Variants in SBNO1 observed in about 807,000 individuals in gnomAD.
SBNO1 encodes strawberry notch homolog 1, also known as protein strawberry notch homolog 1.
In SBNO1, 23 loss-of-function variants were observed where a neutral mutation model predicts 173.6. The ratio of observed to expected loss-of-function variants is 0.13; its 90% CI spans 0.10 to 0.19. The LOEUF is 0.19. Ranked by LOEUF, SBNO1 falls within the 10% of genes least tolerant of loss-of-function variation. The pLI, the probability that SBNO1 is intolerant of heterozygous loss-of-function variation, is 1.00. For synonymous variants in SBNO1, 632 were observed against 571.5 expected (o/e 1.11, Z -1.51); for missense variants, 1,238 against 1,671.2 (o/e 0.74, Z 4.52).
intron 1 of SBNO1, among the ~76,000 whole-genome samples, chr12:123,354,509 G>C (rs984107960): frequency 6.6e-6 from 1 of 152,112 alleles, no homozygotes; most frequent in Non-Finnish European, 1.5e-5. Context: ...AGGGGACAGA[G>C]AGAGAACATC....
chr12:123,360,246 CAAA>C (rs56346382), intron 1 of SBNO1, among the ~76,000 whole-genome samples: 3 of 140,704 alleles, frequency 2.1e-5, no homozygotes, highest in Non-Finnish European at 3.1e-5. Context: ...AACACCATCT[CAAA>C]AAAAAAAAAA....
intron 3 of SBNO1, among the ~76,000 whole-genome samples, 195 bp from the exon 4 acceptor site, chr12:123,345,765 G>C (rs369167589): frequency 1.1e-4 from 17 of 152,110 alleles, no homozygotes; most frequent in South Asian, 4.2e-4. Context: ...GCCCAACTGG[G>C]CTCAAGTGAT....
intron 7 of SBNO1, among the ~76,000 whole-genome samples, chr12:123,332,940 C>T (rs896641634): frequency 6.6e-6 from 1 of 151,940 alleles, no homozygotes; most frequent in Non-Finnish European, 1.5e-5. Flanking sequence ...CTGGCTAACA[C>T]GGTAAAACCC....
intron 28 of SBNO1, among the ~76,000 whole-genome samples, chr12:123,306,585 G>A (rs2048919837): frequency 6.6e-6 from 1 of 152,080 alleles, no homozygotes; most frequent in Non-Finnish European, 1.5e-5. Context: ...AGGTGCAGTG[G>A]TGCATGCCTG....
chr12:123,350,682 C>T (rs1423642820), intron 1 of SBNO1, among the ~76,000 whole-genome samples: 2 of 152,132 alleles, frequency 1.3e-5, no homozygotes, highest in Non-Finnish European at 1.5e-5. Flanking sequence ...CTACAAAAGG[C>T]TACGGGAACA....
Position 123,320,495 on chromosome 12 carries a change from G to T in SBNO1, c.2604C>A (p.Asp868Glu). The change falls in exon 19 of 32, where the codon GAC (aspartate) becomes GAA (glutamate). Residue 868 changes from aspartate to glutamate, a missense_variant. Around this residue, in one of 14 missense-constraint regions of SBNO1, gnomAD observed 74 missense variants for 68.5 expected, o/e 1.08. Transcript: ENST00000602398. Reference sequence around the variant, plus strand: ...GTTCATCCAGGGTATTAGGGGGGAGGTCTTCAGCTAATTTTTCTAGCTTAT... The same window carrying T: ...GTTCATCCAGGGTATTAGGGGGGAGTTCTTCAGCTAATTTTTCTAGCTTAT... ...LLDKLEKLAEDLPPNTLDELI... is the reference protein window; with the variant it reads ...LLDKLEKLAEELPPNTLDELI... 6.2e-7 allele frequency: 1 copy of T among 1,614,036 alleles called. No homozygotes were observed. Among genetic ancestry groups the T allele is most frequent in the Non-Finnish European group, 8.5e-7 (1 of 1,180,002 alleles).
chr12:123,323,904 ATTGAAATATACTTTG>A lies in SBNO1; in HGVS notation c.1974-88_1974-74del. On this transcript the variant is annotated intron_variant, in intron 15 of 31. Coordinates refer to ENST00000602398, the MANE Select transcript of SBNO1 (RefSeq NM_001167856.3). ...TTATATGTAAAGTATTATTAAATAT[ATTGAAATATACTTTG>A]TTCAGTTTTACAAAATACTGATAAA... is the stretch of plus-strand genomic sequence containing the variant. The A allele has an allele frequency of 3.5e-6, 4 of 1,139,036 alleles. No individual in the cohort carries two copies. In the South Asian group the frequency reaches 7.1e-5, roughly 20 times the overall value. The allele number at this position is 1,139,036 out of a possible 1,614,324, so 70.6% of individuals were successfully genotyped here.
In SBNO1 at chr12:123,304,751, T is replaced by C. The variant is rs1240425696; in HGVS notation, c.3631-32A>G. 3.0e-6 allele frequency: 4 copies of C among 1,322,484 alleles called. No homozygotes were observed. The African/African-American group carries it at 5.9e-5, about 20-fold the overall frequency. The allele number at this position is 1,322,484 out of a possible 1,614,324, so 81.9% of individuals were successfully genotyped here. A position where few individuals can be genotyped will look rare whatever the true frequency, so the allele number is the denominator to read the frequency against. ...AAAGAAAATGACAAAATATAAAGAT[T>C]TTATAATACACACTTTAAGACATGT... On this transcript the variant is annotated intron_variant, in intron 28 of 31. Transcript: ENST00000602398.
chr12:123,317,094 T>TC (rs1869378366), intron 21 of SBNO1, 127 bp downstream of exon 21: 1 of 931,958 alleles, frequency 1.1e-6, no homozygotes, highest in East Asian at 2.4e-5. Context: ...CACAGTGGCC[T>TC]CCCGAAATGT....
chr12:123,351,740 G>A (rs931901722), intron 1 of SBNO1, among the ~76,000 whole-genome samples: 3 of 152,188 alleles, frequency 2.0e-5, no homozygotes, highest in Non-Finnish European at 4.4e-5. Context: ...CCAGGAGAGA[G>A]ATGTATTATA....
At chr12:123,314,937 T>TGCA (rs1270419748) in intron 23 of SBNO1, among the ~76,000 whole-genome samples, 2 of 151,544 alleles carry the variant, frequency 1.3e-5, no homozygotes, top group Admixed American at 1.3e-4. Flanking sequence ...CAGATGTGGT[T>TGCA]GCACCACGTT....
chr12:123,309,528 A>C lies in SBNO1; in HGVS notation c.3498T>G (p.Thr1166=). The C allele has an allele frequency of 6.2e-7, 1 of 1,614,062 alleles. No homozygotes were observed. The highest frequency in any genetic ancestry group is 1.3e-5 in the African/African-American group (1 of 75,066). The part of the protein sequence containing the change: ...VRKSDVKKFL[T]PGYSTSGHVE... ...CGTGGCCAGAGGTTGAATATCCTGG[A>C]GTCAGAAACTTTTTAACATCACTTT... Residue 1166 remains threonine, a synonymous_variant, in exon 27 of 32, where the codon ACT becomes ACG. Transcript: ENST00000602398.
intron 20 of SBNO1, 91 bp from the exon 21 acceptor site, chr12:123,317,447 C>T: frequency 9.0e-7 from 1 of 1,110,378 alleles, no homozygotes; most frequent in South Asian, 1.4e-5. Context: ...ACTGCCTATT[C>T]TCTCCTTCTT....
At chr12:123,326,910 G>A (rs993229829) in intron 13 of SBNO1, among the ~76,000 whole-genome samples, 3 of 152,130 alleles carry the variant, frequency 2.0e-5, no homozygotes. Flanking sequence ...CTGGGTGACA[G>A]AGTAAGACCC....
intron 5 of SBNO1, among the ~76,000 whole-genome samples, chr12:123,339,369 T>C (rs1175081265): frequency 2.0e-5 from 3 of 152,060 alleles, no homozygotes; most frequent in Non-Finnish European, 4.4e-5. Context: ...CTCTCTCTTT[T>C]GCCTACTCCT....
rs192903529 is a variant in SBNO1 at position 123,350,023 on chromosome 12, G to A, written c.132+287C>T. On this transcript the variant is annotated intron_variant, in intron 2 of 31. Coordinates refer to ENST00000602398, the MANE Select transcript of SBNO1 (RefSeq NM_001167856.3). ...TAATCCCAACACTCTGGGAGGCCGAGGTTGGCAATCGCTTGAGCTCAGGAG... is the reference window on the plus strand; with the variant it reads ...TAATCCCAACACTCTGGGAGGCCGAAGTTGGCAATCGCTTGAGCTCAGGAG... Among the ~76,000 whole-genome samples the A allele has an allele frequency of 7.2e-5, 11 of 152,262 alleles. No homozygotes were observed. In the East Asian group the frequency reaches 2.1e-3, roughly 29 times the overall value.
At chr12:123,345,222 G>C (rs2139054429) in intron 4 of SBNO1, 36 bp downstream of exon 4, 1 of 1,540,124 alleles carries the variant, frequency 6.5e-7, no homozygotes, top group Middle Eastern at 1.7e-4. Context: ...TAGCTTACCA[G>C]AGAGAGAAAG....
At chr12:123,303,022 CT>C in intron 29 of SBNO1, 122 bp from the exon 30 acceptor site, 1 of 715,520 alleles carries the variant, frequency 1.4e-6, no homozygotes, top group Non-Finnish European at 2.4e-6. Flanking sequence ...AAGCCTAACC[CT>C]TGCTATTAAC....
At chr12:123,344,245 G>A (rs7955367) in intron 4 of SBNO1, among the ~76,000 whole-genome samples, 145,055 of 152,268 alleles carry the variant, frequency 0.95, 69,218 homozygotes, top group Non-Finnish European at 0.96. Context: ...AGCCAGGTCA[G>A]GGTCACAGTG....
Sources: allele counts gnomAD v4.1 joint callset (sites outside exome capture counted in the v4.1 genomes callset), GRCh38; gene constraint gnomAD v4.1.1; regional missense constraint gnomAD v4.1.1; transcripts MANE v1.5; gene names NCBI Gene and HGNC (gene_info 2026-07-23, HGNC 2026-07-21).